The following ATP11C variants were observed in gnomAD, a reference collection of about 807,000 sequenced individuals.
ATP11C encodes the protein ATPase phospholipid transporting 11C (ATP11C blood group).
ATP11C carries 36 observed loss-of-function variants against 97.4 expected under a neutral mutation model. The observed-to-expected ratio is 0.37, with a 90% CI of 0.28 to 0.49. The LOEUF is 0.49. Among genes scored for constraint, ATP11C ranks in the 20% least tolerant of loss-of-function variants. The pLI is 0.98. For missense variants in ATP11C, 730 were observed against 824.6 expected, an observed-to-expected ratio of 0.89 and a Z score of 1.40; for synonymous variants, 275 against 290.9, an observed-to-expected ratio of 0.95 and a Z score of 0.56.
intron 1 of ATP11C, among the ~76,000 whole-genome samples, chrX:139,908,019 T>C (rs1423754450): frequency 9.0e-6 from 1 of 111,125 alleles, no homozygotes; most frequent in Non-Finnish European, 1.9e-5. Context: ...TGTGAATGGA[T>C]TAAATAGACA....
chrX:139,794,725 T>C (rs1603371238), intron 12 of ATP11C, among the ~76,000 whole-genome samples: 1 of 112,131 alleles, frequency 8.9e-6, no homozygotes. Flanking sequence ...TCTGCTGAAA[T>C]GAAGATCTGA....
At chrX:139,736,969 G>A (rs1382784761) in intron 28 of ATP11C, among the ~76,000 whole-genome samples, 2 of 111,110 alleles carry the variant, frequency 1.8e-5, no homozygotes, top group Non-Finnish European at 3.8e-5. Context: ...CAATTCAACA[G>A]GCAAAAACAA....
intron 1 of ATP11C, among the ~76,000 whole-genome samples, chrX:139,870,822 C>T (rs1186200399): frequency 1.8e-5 from 2 of 110,992 alleles, no homozygotes; most frequent in African/African-American, 3.3e-5. Flanking sequence ...TTTGGGAGGC[C>T]GAGGCGGGTG....
chrX:139,925,000 A>G (rs1603419884), intron 1 of ATP11C, among the ~76,000 whole-genome samples: 2 of 111,834 alleles, frequency 1.8e-5, no homozygotes, highest in Admixed American at 9.5e-5. Context: ...CACAATTGGT[A>G]TAGTGTTGAA....
chrX:139,863,048 G>T (rs2084228134), intron 1 of ATP11C, among the ~76,000 whole-genome samples: 1 of 110,681 alleles, frequency 9.0e-6, no homozygotes, highest in Non-Finnish European at 1.9e-5. Flanking sequence ...CAGGACATAG[G>T]ACTCGCTTTA....
chrX:139,849,883 G>C (rs2083963151), intron 1 of ATP11C, among the ~76,000 whole-genome samples: 1 of 112,094 alleles, frequency 8.9e-6, no homozygotes, highest in Admixed American at 9.4e-5. Context: ...GGATTGTTAT[G>C]AAAGCAAGTT....
intron 1 of ATP11C, among the ~76,000 whole-genome samples, chrX:139,854,039 G>A (rs1198728431): frequency 9.0e-6 from 1 of 111,332 alleles, no homozygotes; most frequent in Non-Finnish European, 1.9e-5. Flanking sequence ...TTCAGGACAG[G>A]ACAATAGATG....
rs772250325 is a variant in ATP11C at position 139,783,182 on chromosome X, A to G, written c.1752T>C (p.His584=). 8 of 1,205,018 alleles carry G rather than the reference A, an allele frequency of 6.6e-6. No homozygotes were observed. The highest frequency in any genetic ancestry group is 9.0e-6 in the Non-Finnish European group (8 of 890,087). ...GGCTCACCATTGCATTACGTTCCACATGGACTTTAGTTAACTCAATTTCAT... is the reference window on the plus strand; with the variant it reads ...GGCTCACCATTGCATTACGTTCCACGTGGACTTTAGTTAACTCAATTTCAT... ...QNHEIELTKV[H]VERNAMDGYR... Residue 584 remains histidine, a synonymous_variant, in exon 17 of 30, where the codon CAT becomes CAC. Transcript: ENST00000682941.
chrX:139,778,002 C>T (rs889503600), intron 18 of ATP11C, among the ~76,000 whole-genome samples: 1 of 109,837 alleles, frequency 9.1e-6, no homozygotes, highest in East Asian at 2.9e-4. Context: ...ACTACAAGCA[C>T]GTGTCACCAT....
chrX:139,774,783 C>T lies in ATP11C; in HGVS notation c.2123G>A (p.Ser708Asn). The change falls in exon 19 of 30, where the codon AGT (serine) becomes AAT (asparagine). Residue 708 changes from serine (S) to asparagine (N), a missense_variant. Coordinates refer to ENST00000682941, the MANE Select transcript of ATP11C (RefSeq NM_001353812.2). ...LELTTKTIEESERKEDRLHEL... is the reference protein window; with the variant it reads ...LELTTKTIEENERKEDRLHEL... ...ATGTAATCGATCTTCTTTCCTTTCACTTTCTTCAATGGTTTTTGTGGTTAG... is the reference window on the plus strand; with the variant it reads ...ATGTAATCGATCTTCTTTCCTTTCATTTTCTTCAATGGTTTTTGTGGTTAG... 1 of 1,211,732 alleles carries T rather than the reference C, an allele frequency of 8.3e-7. No homozygotes were observed. The highest frequency in any genetic ancestry group is 3.0e-5 in the East Asian group (1 of 33,852).
At chrX:139,860,122 A>AAAAAG in intron 1 of ATP11C, among the ~76,000 whole-genome samples, 3 of 80,828 alleles carry the variant, frequency 3.7e-5, no homozygotes, top group African/African-American at 1.1e-4. Context: ...AAAAAAAAAA[A>AAAAAG]AAAAGAAAAG....
At chrX:139,839,630 T>C (rs2083798428) in intron 1 of ATP11C, among the ~76,000 whole-genome samples, 1 of 111,679 alleles carries the variant, frequency 9.0e-6, no homozygotes, top group East Asian at 2.8e-4. Context: ...GAATGATGGC[T>C]GCACAGTACC....
intron 1 of ATP11C, among the ~76,000 whole-genome samples, chrX:139,862,317 C>T (rs1297588405): frequency 1.8e-5 from 2 of 111,244 alleles, no homozygotes; most frequent in African/African-American, 6.5e-5. Flanking sequence ...GCAAAGTAAT[C>T]AAACCCAAGG....
At chrX:139,847,133 C>A (rs1603400002) in intron 1 of ATP11C, among the ~76,000 whole-genome samples, 1 of 110,989 alleles carries the variant, frequency 9.0e-6, no homozygotes, top group Admixed American at 9.6e-5. Flanking sequence ...ACCTGTAATC[C>A]CAACACTTTG....
In ATP11C at chrX:139,727,865, CAAGTT is replaced by C. The variant is rs1025570144; in HGVS notation, c.*1096_*1100del. The C allele has an allele frequency of 8.0e-5, 9 of 111,842 alleles. No individual in the cohort carries two copies. The highest frequency in any genetic ancestry group is 2.6e-4 in the African/African-American group (8 of 30,747). The allele number at this position is 111,842 out of a possible 1,213,427, so 9.2% of individuals were successfully genotyped here. On this transcript the variant is annotated 3_prime_UTR_variant, in exon 30 of 30. Coordinates refer to ENST00000682941, the MANE Select transcript of ATP11C (RefSeq NM_001353812.2). ...TTTAGAGTTAGACCATTTCCCTGTC[CAAGTT>C]AAGAGACAACATTCATCTTCACAGA...
intron 1 of ATP11C, among the ~76,000 whole-genome samples, chrX:139,850,773 G>A (rs949934141): frequency 9.1e-5 from 10 of 109,953 alleles, no homozygotes; most frequent in Admixed American, 4.9e-4. Flanking sequence ...TTAGCCAGGC[G>A]TAGTGGCGGG....
At chrX:139,782,443 ATAAAAC>A in intron 18 of ATP11C, 98 bp downstream of exon 18, 1 of 534,618 alleles carries the variant, frequency 1.9e-6, no homozygotes, top group Non-Finnish European at 2.8e-6. Context: ...CACTTAAACA[ATAAAAC>A]TAAAGATTTC....
At chrX:139,915,366 T>C (rs1174773375) in intron 1 of ATP11C, among the ~76,000 whole-genome samples, 1 of 111,792 alleles carries the variant, frequency 8.9e-6, no homozygotes, top group East Asian at 2.8e-4. Context: ...GACAAAAAGT[T>C]ATCAAAAGGA....
intron 1 of ATP11C, among the ~76,000 whole-genome samples, chrX:139,850,700 G>T (rs191105056): frequency 9.0e-6 from 1 of 111,058 alleles, no homozygotes; most frequent in Non-Finnish European, 1.9e-5. Flanking sequence ...GGATCACGAG[G>T]TCAGGAATTC....
Sources: gnomAD v4.1 joint callset for allele counts (sites outside exome capture counted in the v4.1 genomes callset) on GRCh38, gnomAD v4.1.1 for gene constraint, MANE v1.5 for transcripts, NCBI Gene and HGNC (gene_info 2026-07-23, HGNC 2026-07-21) for gene names.